The following MMS22L variants were observed in gnomAD, a reference collection of about 807,000 sequenced individuals.
MMS22L encodes MMS22 like, DNA repair protein, also known as protein MMS22-like.
MMS22L carries 74 observed loss-of-function variants against 159.1 expected under a neutral mutation model. The observed-to-expected ratio is 0.47, with a 90% CI of 0.39 to 0.56. The LOEUF is 0.56. MMS22L is among the 20% of genes least tolerant of loss of function. MMS22L has a pLI of 0.00. For synonymous variants in MMS22L, 517 were observed against 506.9 expected, an observed-to-expected ratio of 1.02 and a Z score of -0.27; for missense variants, 1,351 against 1,422.1, an observed-to-expected ratio of 0.95 and a Z score of 0.80.
At chr6:97,202,507 T>C (rs1582595141) in intron 14 of MMS22L, among the ~76,000 whole-genome samples, 1 of 152,070 alleles carries the variant, frequency 6.6e-6, no homozygotes, top group South Asian at 2.1e-4. Context: ...TCCTGAGCTA[T>C]TACCTTAGCG....
Position 97,188,911 on chromosome 6 carries a change from G to A in MMS22L, c.2040-2221C>T, listed in dbSNP as rs1031444862. On this transcript the variant is annotated intron_variant, in intron 14 of 24. Transcript: ENST00000683635. ...CAGGAGGTGGAGGTTGCAGTGAGCC[G>A]AGATTGTGCCACTGCACTCCAACTT... Among the ~76,000 whole-genome samples, 3 of 152,066 alleles carry A rather than the reference G, an allele frequency of 2.0e-5. No individual in the cohort carries two copies. The East Asian group carries it at 5.8e-4, about 29-fold the overall frequency.
At chr6:97,165,119 A>G in intron 21 of MMS22L, 127 bp downstream of exon 21, 1 of 723,634 alleles carries the variant, frequency 1.4e-6, no homozygotes, top group Non-Finnish European at 2.2e-6. Context: ...AATGCTTCTC[A>G]GGAAAACAAA....
At position 97,261,791 on chromosome 6, in the gene MMS22L, C is replaced by T. The variant is rs567488767; in HGVS notation, c.942+1544G>A. 3.3e-5 allele frequency: 5 copies of T among 152,230 alleles called. No homozygotes were observed. In the South Asian group the frequency reaches 1.0e-3, roughly 32 times the overall value. 9.4% of individuals were successfully genotyped at this position (152,230 alleles called of 1,614,324 possible). ...GGCATCCATCCATTTTTCTTGGCTA[C>T]CCAGAATTCAATGCCTTGAAATTTT... On this transcript the variant is annotated intron_variant, in intron 9 of 24. Coordinates refer to ENST00000683635, the MANE Select transcript of MMS22L (RefSeq NM_001350599.2).
At chr6:97,282,223 A>G in intron 2 of MMS22L, 91 bp downstream of exon 2, 1 of 1,324,048 alleles carries the variant, frequency 7.6e-7, no homozygotes, top group Admixed American at 2.2e-5. Context: ...CGACTTGGTG[A>G]ACACCAAAGT....
At chr6:97,251,697 C>T (rs116679447) in intron 10 of MMS22L, among the ~76,000 whole-genome samples, 2 of 152,178 alleles carry the variant, frequency 1.3e-5, no homozygotes, top group African/African-American at 4.8e-5. Flanking sequence ...TTAAAAGACG[C>T]AAGTTAAGCT....
intron 18 of MMS22L, among the ~76,000 whole-genome samples, chr6:97,177,086 C>T (rs1164696079): frequency 6.6e-6 from 1 of 152,132 alleles, no homozygotes; most frequent in Non-Finnish European, 1.5e-5. Context: ...AGAAATCCCA[C>T]AACCATTCAA....
chr6:97,255,243 T>C (rs1027527551), intron 9 of MMS22L, among the ~76,000 whole-genome samples: 2 of 152,118 alleles, frequency 1.3e-5, no homozygotes, highest in Non-Finnish European at 2.9e-5. Flanking sequence ...GCAGAACATT[T>C]AGTGAGTTTT....
chr6:97,163,655 A>G (rs1160223056), intron 21 of MMS22L, among the ~76,000 whole-genome samples: 1 of 152,076 alleles, frequency 6.6e-6, no homozygotes, highest in African/African-American at 2.4e-5. Flanking sequence ...ATCCTGTTGG[A>G]AATTCAGATA....
chr6:97,244,062 T>C (rs953879914), intron 11 of MMS22L, among the ~76,000 whole-genome samples: 13 of 152,196 alleles, frequency 8.5e-5, no homozygotes, highest in Admixed American at 3.3e-4. Flanking sequence ...AGCAGTGAAG[T>C]TGTCATGTGG....
At chr6:97,195,188 T>A (rs1443601135) in intron 14 of MMS22L, among the ~76,000 whole-genome samples, 1 of 152,102 alleles carries the variant, frequency 6.6e-6, no homozygotes. Flanking sequence ...GGGAAGAATA[T>A]TCCAGTGAGA....
rs757303339 is a variant in MMS22L, at chr6:97,168,065, C to T, written c.3009+6G>A. The T allele has an allele frequency of 5.0e-6, 8 of 1,597,176 alleles. No individual in the cohort carries two copies. Among genetic ancestry groups the T allele is most frequent in the Non-Finnish European group, 6.8e-6 (8 of 1,174,178 alleles). ...TTAAACTTTTAAGCAACCACAGATA[C>T]TATACCTGGAGATACAAAGGAAGAC... is the stretch of plus-strand genomic sequence containing the variant. On this transcript the variant is annotated splice_donor_region_variant and intron_variant, in intron 20 of 24. Transcript: ENST00000683635.
At chr6:97,202,528 TG>T (rs1807292370) in intron 14 of MMS22L, among the ~76,000 whole-genome samples, 1 of 152,208 alleles carries the variant, frequency 6.6e-6, no homozygotes, top group Non-Finnish European at 1.5e-5. Context: ...TTGACTAACC[TG>T]ATTAACTCAG....
intron 22 of MMS22L, among the ~76,000 whole-genome samples, chr6:97,154,005 C>G (rs1312903324): frequency 6.6e-6 from 1 of 152,110 alleles, no homozygotes; most frequent in Non-Finnish European, 1.5e-5. Context: ...CTGGGTCATA[C>G]AGTAACTCCA....
intron 6 of MMS22L, chr6:97,270,326 TTTTG>T (rs773924962): frequency 8.5e-6 from 4 of 468,022 alleles, no homozygotes; most frequent in East Asian, 1.3e-4. Flanking sequence ...ATTTTCATAA[TTTTG>T]TTTTAGAATT....
chr6:97,180,017 C>T (rs1310607103), intron 16 of MMS22L, among the ~76,000 whole-genome samples: 3 of 152,130 alleles, frequency 2.0e-5, no homozygotes, highest in Non-Finnish European at 4.4e-5. Context: ...CTAAAAATTA[C>T]CTCACAAAGA....
intron 18 of MMS22L, among the ~76,000 whole-genome samples, chr6:97,173,634 C>T (rs937832284): frequency 6.6e-6 from 1 of 152,068 alleles, no homozygotes; most frequent in African/African-American, 2.4e-5. Context: ...GGAAAACCTA[C>T]AAGTAATGCC....
In MMS22L at chr6:97,254,370, T is replaced by A. The variant is rs1010422802; in HGVS notation, c.1119+187A>T. 75 of 560,810 alleles carry A rather than the reference T, an allele frequency of 1.3e-4. 1 individual carries two copies. Among genetic ancestry groups the A allele is most frequent in the Non-Finnish European group, 5.7e-5 (19 of 331,702 alleles). The allele number at this position is 560,810 out of a possible 1,614,324, so 34.7% of individuals were successfully genotyped here. A position where few individuals can be genotyped will look rare whatever the true frequency, so the allele number is the denominator to read the frequency against. Reference sequence around the variant, plus strand: ...CAAATCTTCTACAAGTAATTTTTTTTAATTAAACAATTAAAACATAAACTT... The same window carrying A: ...CAAATCTTCTACAAGTAATTTTTTTAAATTAAACAATTAAAACATAAACTT... On this transcript the variant is annotated intron_variant, in intron 10 of 24. Coordinates refer to ENST00000683635, the MANE Select transcript of MMS22L (RefSeq NM_001350599.2).
chr6:97,283,201 C>T lies in MMS22L; in HGVS notation c.-182G>A, dbSNP rs1816932822. ...CAGGCGAAATTCCCGCCACCGCGCGCCCGCGCTCCGGAAAGGCGGGGCCAC... is the reference window on the plus strand; with the variant it reads ...CAGGCGAAATTCCCGCCACCGCGCGTCCGCGCTCCGGAAAGGCGGGGCCAC... On this transcript the variant is annotated 5_prime_UTR_variant, in exon 1 of 25. Transcript: ENST00000683635. The T allele has an allele frequency of 6.6e-6, 1 of 152,306 alleles. No homozygotes were observed. The highest frequency in any genetic ancestry group is 6.5e-5 in the Admixed American group (1 of 15,294). The allele number at this position is 152,306 out of a possible 1,614,324, so 9.4% of individuals were successfully genotyped here.
At chr6:97,214,056 T>C (rs984154487) in intron 14 of MMS22L, among the ~76,000 whole-genome samples, 1 of 152,200 alleles carries the variant, frequency 6.6e-6, no homozygotes, top group African/African-American at 2.4e-5. Context: ...TCCCATTCAT[T>C]TTTAAGAATT....
Sources: allele counts gnomAD v4.1 joint callset (sites outside exome capture counted in the v4.1 genomes callset), GRCh38; gene constraint gnomAD v4.1.1; transcripts MANE v1.5; gene names NCBI Gene and HGNC (gene_info 2026-07-23, HGNC 2026-07-21).